The following CEP128 variants were observed in gnomAD, a reference collection of about 807,000 sequenced individuals.
CEP128 encodes centrosomal protein 128kDa.
Under a neutral mutation model 156.7 loss-of-function variants are expected in CEP128, and 132 were observed. The observed-to-expected ratio is 0.84, with a 90% CI of 0.73 to 0.97. The LOEUF is 0.97. Among genes scored for constraint, CEP128 ranks in the 50% least tolerant of loss-of-function variants. The pLI, the probability that CEP128 is intolerant of heterozygous loss-of-function variation, is 0.00. For missense variants in CEP128, 1,252 were observed against 1,281.9 expected (o/e 0.98, Z 0.36); for synonymous variants, 469 against 448.9 (o/e 1.04, Z -0.57).
chr14:80,535,620 CACACACACACACAT>C (rs1407099220), intron 21 of CEP128, among the ~76,000 whole-genome samples: 1 of 150,824 alleles, frequency 6.6e-6, no homozygotes, highest in African/African-American at 2.5e-5. Context: ...CACACTCACA[CACACACACACACAT>C]GGGGTCTGGA....
chr14:80,572,553 A>C (rs1040333243), intron 20 of CEP128, among the ~76,000 whole-genome samples: 1 of 152,198 alleles, frequency 6.6e-6, no homozygotes, highest in Non-Finnish European at 1.5e-5. Flanking sequence ...GTAAAATATT[A>C]AGGGGAATGA....
intron 19 of CEP128, among the ~76,000 whole-genome samples, chr14:80,633,219 C>A (rs971548748): frequency 2.3e-4 from 32 of 136,170 alleles, no homozygotes; most frequent in Admixed American, 4.8e-4. Flanking sequence ...CAGAGTTAGA[C>A]CCTGCCTAGA....
chr14:80,759,160 T>C (rs1285041420), intron 17 of CEP128, among the ~76,000 whole-genome samples: 1 of 152,194 alleles, frequency 6.6e-6, no homozygotes, highest in Non-Finnish European at 1.5e-5. Context: ...TGTACGTCTG[T>C]CCTTCATTGT....
intron 19 of CEP128, among the ~76,000 whole-genome samples, chr14:80,582,333 T>C (rs1891626523): frequency 6.6e-6 from 1 of 152,212 alleles, no homozygotes. Context: ...AATGAGATGC[T>C]ATTTGAATAA....
intron 8 of CEP128, among the ~76,000 whole-genome samples, chr14:80,867,853 T>C (rs1405499271): frequency 2.0e-5 from 3 of 152,060 alleles, no homozygotes; most frequent in African/African-American, 7.2e-5. Context: ...CCCAGATCCT[T>C]GAAGATCAAA....
rs181348567 is a variant in CEP128, at chr14:80,715,440, C to T, written c.2806+27635G>A. ...TTTGCTAGGCATTGTTCTATTAGGC[C>T]GTGGGTGAACGCATATGCAATTAAA... On this transcript the variant is annotated intron_variant, in intron 19 of 24. Transcript: ENST00000555265. 3.6e-3 allele frequency among the ~76,000 whole-genome samples: 553 copies of T among 152,158 alleles called. 1 individual carries two copies. The highest frequency in any genetic ancestry group is 5.1e-3 in the Non-Finnish European group (349 of 68,000).
At chr14:80,862,317 A>G (rs1235253856) in intron 9 of CEP128, among the ~76,000 whole-genome samples, 2 of 152,224 alleles carry the variant, frequency 1.3e-5, no homozygotes, top group African/African-American at 4.8e-5. Context: ...TTACAAAAAT[A>G]GACAATGGGC....
At chr14:80,846,279 A>G (rs1264376357) in intron 9 of CEP128, among the ~76,000 whole-genome samples, 2 of 152,212 alleles carry the variant, frequency 1.3e-5, no homozygotes, top group Admixed American at 1.3e-4. Context: ...ATAAACTTCT[A>G]CTATTCCCCA....
intron 9 of CEP128, among the ~76,000 whole-genome samples, chr14:80,854,258 T>C (rs1887036737): frequency 6.6e-6 from 1 of 152,132 alleles, no homozygotes; most frequent in Non-Finnish European, 1.5e-5. Flanking sequence ...CAACGTGCAG[T>C]TTCAGAACCT....
At chr14:80,823,161 CT>C (rs1339101279) in intron 13 of CEP128, among the ~76,000 whole-genome samples, 4 of 152,332 alleles carry the variant, frequency 2.6e-5, no homozygotes, top group African/African-American at 9.6e-5. Context: ...TCAGCAAAGA[CT>C]TAACTCCCTT....
intron 14 of CEP128, chr14:80,478,457 AT>A (rs902192555): frequency 4.6e-5 from 7 of 152,246 alleles, no homozygotes; most frequent in Admixed American, 3.9e-4. Flanking sequence ...CTTTAAAATA[AT>A]TTTTAAATGA....
At chr14:80,641,481 A>G (rs543734267) in intron 19 of CEP128, among the ~76,000 whole-genome samples, 54 of 152,330 alleles carry the variant, frequency 3.5e-4, no homozygotes, top group Middle Eastern at 6.8e-3. Flanking sequence ...CTGATGTTGT[A>G]TGGCCTGTGC....
chr14:80,776,506 AT>A (rs943610704), intron 16 of CEP128, among the ~76,000 whole-genome samples: 33 of 147,632 alleles, frequency 2.2e-4, no homozygotes, highest in Non-Finnish European at 3.0e-4. Context: ...TTTATATGTA[AT>A]TTTTTTACTA....
chr14:80,871,160 GACC>G (rs1399624903), intron 8 of CEP128, among the ~76,000 whole-genome samples: 6 of 152,040 alleles, frequency 3.9e-5, no homozygotes, highest in Non-Finnish European at 8.8e-5. Context: ...AGGCACTATA[GACC>G]ATGGTAAAGA....
intron 16 of CEP128, among the ~76,000 whole-genome samples, chr14:80,762,327 T>TA (rs970366344): frequency 2.6e-5 from 4 of 152,144 alleles, no homozygotes; most frequent in East Asian, 1.9e-4. Context: ...TGTAATAAAA[T>TA]AAAAAAATCA....
intron 8 of CEP128, among the ~76,000 whole-genome samples, chr14:80,869,979 C>T (rs1318686752): frequency 6.6e-6 from 1 of 151,774 alleles, no homozygotes; most frequent in Non-Finnish European, 1.5e-5. Context: ...AATTTTATGC[C>T]AACAAATTGG....
chr14:80,483,625 G>C (rs1199986397), intron 14 of CEP128, among the ~76,000 whole-genome samples: 2 of 152,194 alleles, frequency 1.3e-5, no homozygotes, highest in Admixed American at 6.5e-5. Flanking sequence ...AACATTCTTT[G>C]CTCACTGTGG....
intron 19 of CEP128, 183 bp downstream of exon 19, chr14:80,742,892 T>C (rs886583515): frequency 6.8e-6 from 4 of 589,750 alleles, no homozygotes; most frequent in Middle Eastern, 8.9e-4. Context: ...AGGAATGCTG[T>C]GGCTGAAGAA....
intron 13 of CEP128, among the ~76,000 whole-genome samples, chr14:80,821,608 C>T (rs5029168): frequency 0.015 from 936 of 63,814 alleles, 14 homozygotes; most frequent in East Asian, 0.038. Flanking sequence ...CATACACACA[C>T]ACACACACAC....
Sources: gnomAD v4.1 joint callset for allele counts (sites outside exome capture counted in the v4.1 genomes callset) on GRCh38, gnomAD v4.1.1 for gene constraint, MANE v1.5 for transcripts, NCBI Gene and HGNC (gene_info 2026-07-23, HGNC 2026-07-21) for gene names.